Variants in SARDH observed in about 807,000 individuals in gnomAD.
The protein encoded by SARDH is sarcosine dehydrogenase, mitochondrial.
A neutral mutation model predicts 109.1 loss-of-function variants in SARDH; 95 were observed. That is an observed-to-expected ratio of 0.87 (90% confidence interval 0.74 to 1.03). The LOEUF is 1.03. Among genes scored for constraint, SARDH ranks in the 50% least tolerant of loss-of-function variants. The pLI, the probability that SARDH is intolerant of heterozygous loss-of-function variation, is 0.00. For synonymous variants in SARDH, 572 were observed against 534.8 expected (o/e 1.07, Z -0.96); for missense variants, 1,267 against 1,287.8 (o/e 0.98, Z 0.25).
intron 16 of SARDH, among the ~76,000 whole-genome samples, chr9:133,688,870 A>T (rs1212666774): frequency 6.6e-6 from 1 of 152,224 alleles, no homozygotes; most frequent in African/African-American, 2.4e-5. Context: ...GAAGCCAGTT[A>T]GTGTTAAAGC....
chr9:133,731,995 G>A (rs1832700533), intron 3 of SARDH, among the ~76,000 whole-genome samples: 2 of 152,150 alleles, frequency 1.3e-5, no homozygotes, highest in Non-Finnish European at 2.9e-5. Context: ...GTCCTCAGGC[G>A]TGGACCACTG....
chr9:133,679,216 C>T (rs1830613643), intron 17 of SARDH, among the ~76,000 whole-genome samples: 1 of 152,226 alleles, frequency 6.6e-6, no homozygotes, highest in Non-Finnish European at 1.5e-5. Flanking sequence ...ATCAGGGAAC[C>T]TGCCCATGAT....
Position 133,666,910 on chromosome 9 carries a change from G to T in SARDH, c.2496-40C>A, listed in dbSNP as rs758425065. On this transcript the variant is annotated intron_variant, in intron 19 of 20. Coordinates refer to ENST00000439388, the MANE Select transcript of SARDH (RefSeq NM_001134707.2). The surrounding 1 kb of genome is among the most constrained non-coding windows in gnomAD (Gnocchi z 5.2). ...AGAGAAAGCTGGGGCCCCAGAAACC[G>T]CAGGGTGGGGACGCGTCCACAGCGG... 6.2e-7 allele frequency: 1 copy of T among 1,609,850 alleles called. No homozygotes were observed. Among genetic ancestry groups the T allele is most frequent in the East Asian group, 2.2e-5 (1 of 44,790 alleles).
At chr9:133,737,624 C>T (rs1349363045) in intron 1 of SARDH, among the ~76,000 whole-genome samples, 1 of 152,208 alleles carries the variant, frequency 6.6e-6, no homozygotes, top group East Asian at 1.9e-4. Flanking sequence ...CCTCCCTCCT[C>T]CTTCCGACTG....
chr9:133,675,828 C>T (rs1830492834), intron 17 of SARDH, among the ~76,000 whole-genome samples: 1 of 152,186 alleles, frequency 6.6e-6, no homozygotes, highest in African/African-American at 2.4e-5. Flanking sequence ...TAGTGGCTCA[C>T]ACCTGTAATC....
chr9:133,662,653 G>A (rs766290440), downstream of SARDH, among the ~76,000 whole-genome samples: 16 of 152,222 alleles, frequency 1.1e-4, no homozygotes, highest in Non-Finnish European at 1.9e-4. The surrounding 1 kb of genome is among the most constrained non-coding windows in gnomAD (Gnocchi z 5.1). Context: ...ACAGTGGGCC[G>A]CGTGGCCTGG....
At chr9:133,687,687 C>T (rs557411002) in intron 16 of SARDH, among the ~76,000 whole-genome samples, 2 of 152,250 alleles carry the variant, frequency 1.3e-5, no homozygotes, top group South Asian at 4.1e-4. Context: ...TTAGTGGCTG[C>T]GTGTTGGACC....
rs115404731 is a variant in SARDH at position 133,692,701 on chromosome 9, C to A, written c.1921+1557G>T. ...GGGGTCCCTGAAGCCCCACCGGCCT[C>A]CTTCACCTCCTCCCGACCCTGGCTA... On this transcript the variant is annotated intron_variant, in intron 15 of 20. Coordinates refer to ENST00000439388, the MANE Select transcript of SARDH (RefSeq NM_001134707.2). The surrounding 1 kb of genome is among the most constrained non-coding windows in gnomAD (Gnocchi z 5.0). 0.064 allele frequency among the ~76,000 whole-genome samples: 9,783 copies of A among 152,210 alleles called. 891 individuals are homozygous for A. The highest frequency in any genetic ancestry group is 0.2 in the African/African-American group (8,295 of 41,494).
At chr9:133,698,009 T>TAAAAAAAAAAAAAAAAAAAAAAAA (rs371381068) in intron 13 of SARDH, among the ~76,000 whole-genome samples, 1 of 95,706 alleles carries the variant, frequency 1.0e-5, no homozygotes, top group African/African-American at 4.0e-5. Context: ...AGGAATCCAC[T>TAAAAAAAAAAAAAAAAAAAAAAAA]AAAAAAAAAA....
intron 1 of SARDH, among the ~76,000 whole-genome samples, chr9:133,737,527 C>T (rs1832924889): frequency 6.6e-6 from 1 of 152,228 alleles, no homozygotes; most frequent in South Asian, 2.1e-4. Context: ...GAGGAAGGCC[C>T]TCCAAGGCTG....
At position 133,712,836 on chromosome 9, in the gene SARDH, G is replaced by A. The variant is rs982604760; in HGVS notation, c.1238-127C>T. On this transcript the variant is annotated intron_variant, in intron 9 of 20. Transcript: ENST00000439388. The surrounding 1 kb of genome is among the most constrained non-coding windows in gnomAD (Gnocchi z 4.1). ...GCTCTGCTCTCACACCTGGGGTGCTGCACGCCTCCTGATTGGACTGCTGCT... is the reference window on the plus strand; with the variant it reads ...GCTCTGCTCTCACACCTGGGGTGCTACACGCCTCCTGATTGGACTGCTGCT... 2 of 978,900 alleles carry A rather than the reference G, an allele frequency of 2.0e-6. No homozygotes were observed. Among genetic ancestry groups the A allele is most frequent in the Non-Finnish European group, 3.1e-6 (2 of 652,346 alleles). The allele number at this position is 978,900 out of a possible 1,614,324, so 60.6% of individuals were successfully genotyped here. A position where few individuals can be genotyped will look rare whatever the true frequency, so the allele number is the denominator to read the frequency against.
chr9:133,682,277 G>C (rs1830724405), intron 17 of SARDH, among the ~76,000 whole-genome samples: 1 of 152,206 alleles, frequency 6.6e-6, no homozygotes, highest in African/African-American at 2.4e-5. Context: ...AGGAACAGGG[G>C]AACAGTCACG....
intron 17 of SARDH, among the ~76,000 whole-genome samples, chr9:133,676,114 C>T (rs1280503986): frequency 1.3e-5 from 2 of 151,056 alleles, no homozygotes; most frequent in Non-Finnish European, 2.9e-5. Flanking sequence ...AAACACACAC[C>T]AAAAACAGAT....
At chr9:133,723,470 A>G (rs111289611) in intron 6 of SARDH, among the ~76,000 whole-genome samples, 4,889 of 152,298 alleles carry the variant, frequency 0.032, 302 homozygotes, top group African/African-American at 0.11. Context: ...GTCGAGAAAT[A>G]AACCTTCTTC....
At chr9:133,674,271 G>A (rs1275199701) in intron 17 of SARDH, among the ~76,000 whole-genome samples, 2 of 152,356 alleles carry the variant, frequency 1.3e-5, no homozygotes, top group Non-Finnish European at 2.9e-5. Flanking sequence ...GTCTCCCAGC[G>A]CCCATGGGGG....
At position 133,712,248 on chromosome 9, in the gene SARDH, C is replaced by T. The variant is rs1588435729; in HGVS notation, c.1328+371G>A. Reference sequence around the variant, plus strand: ...CGGGACAGCCGGGGCTGCCTGGCTGCAAGCCGCGGCATACACACTCAGCAC... The same window carrying T: ...CGGGACAGCCGGGGCTGCCTGGCTGTAAGCCGCGGCATACACACTCAGCAC... On this transcript the variant is annotated intron_variant, in intron 10 of 20. Transcript: ENST00000439388. This position sits in a 1 kb window ranked among gnomAD's most constrained non-coding sequence, Gnocchi z 4.1. Among the ~76,000 whole-genome samples, 1 of 152,156 alleles carries T rather than the reference C, an allele frequency of 6.6e-6. No individual in the cohort carries two copies. The highest frequency in any genetic ancestry group is 1.5e-5 in the Non-Finnish European group (1 of 68,018).
intron 12 of SARDH, chr9:133,703,256 C>G (rs1022660935): frequency 2.7e-5 from 15 of 555,166 alleles, no homozygotes; most frequent in Non-Finnish European, 4.2e-5. Context: ...GGTCTGAGAG[C>G]CCAGCCAGGG....
intron 17 of SARDH, among the ~76,000 whole-genome samples, chr9:133,682,677 G>A (rs530086707): frequency 1.8e-4 from 26 of 147,518 alleles, no homozygotes; most frequent in Non-Finnish European, 2.8e-4. Context: ...TGCTAGAAGC[G>A]AGGTCTGCAC....
chr9:133,716,432 G>A (rs1485969478), intron 8 of SARDH, among the ~76,000 whole-genome samples: 1 of 152,228 alleles, frequency 6.6e-6, no homozygotes, highest in Non-Finnish European at 1.5e-5. Flanking sequence ...TATAAACACT[G>A]GGGTGCCAAG....
Sources: gnomAD v4.1 joint callset for allele counts (sites outside exome capture counted in the v4.1 genomes callset) on GRCh38, gnomAD v4.1.1 for gene constraint, Gnocchi (gnomAD v3.1) non-coding constraint, MANE v1.5 for transcripts, NCBI Gene and HGNC (gene_info 2026-07-23, HGNC 2026-07-21) for gene names.